The following PDSS2 variants were observed in gnomAD, a reference collection of about 807,000 sequenced individuals.
The protein encoded by PDSS2 is all trans-polyprenyl-diphosphate synthase PDSS2.
PDSS2 carries 31 observed loss-of-function variants against 44.5 expected under a neutral mutation model. The ratio of observed to expected loss-of-function variants is 0.70; its 90% CI spans 0.52 to 0.94. The LOEUF (loss-of-function observed/expected upper bound fraction) is 0.94. PDSS2 is among the 40% of genes least tolerant of loss of function. PDSS2 has a pLI of 0.00. For synonymous variants in PDSS2, 157 were observed against 180.3 expected, an observed-to-expected ratio of 0.87 and a Z score of 1.03; for missense variants, 452 against 482.2, an observed-to-expected ratio of 0.94 and a Z score of 0.59.
chr6:107,188,084 CA>C (rs1772236685), intron 7 of PDSS2, among the ~76,000 whole-genome samples: 1 of 152,044 alleles, frequency 6.6e-6, no homozygotes, highest in South Asian at 2.1e-4. Flanking sequence ...AATATATTAA[CA>C]TCAAATAAAG....
At chr6:107,376,918 C>T (rs1779302144) in intron 1 of PDSS2, among the ~76,000 whole-genome samples, 1 of 151,252 alleles carries the variant, frequency 6.6e-6, no homozygotes, top group African/African-American at 2.4e-5. Context: ...AATGTTAGAC[C>T]TAAAGCCATA....
At chr6:107,445,594 C>A (rs1026804853) in intron 1 of PDSS2, among the ~76,000 whole-genome samples, 1 of 152,132 alleles carries the variant, frequency 6.6e-6, no homozygotes, top group Non-Finnish European at 1.5e-5. Flanking sequence ...ATGTGTAAGT[C>A]TAAAAAAATT....
At chr6:107,305,699 A>C (rs1194606532) in intron 2 of PDSS2, among the ~76,000 whole-genome samples, 1 of 152,210 alleles carries the variant, frequency 6.6e-6, no homozygotes, top group African/African-American at 2.4e-5. Context: ...AGAGGTGTGG[A>C]CAGATAACTA....
At chr6:107,287,246 A>T (rs773941291) in intron 2 of PDSS2, among the ~76,000 whole-genome samples, 6 of 152,202 alleles carry the variant, frequency 3.9e-5, no homozygotes, top group Non-Finnish European at 8.8e-5. Flanking sequence ...ACTAAATTGA[A>T]TTGGAAAGCC....
chr6:107,172,091 G>A (rs1483033356), intron 7 of PDSS2, among the ~76,000 whole-genome samples: 3 of 152,124 alleles, frequency 2.0e-5, no homozygotes, highest in Non-Finnish European at 4.4e-5. Flanking sequence ...AATAAATTAA[G>A]TCCAAATCCC....
chr6:107,171,096 C>T (rs1163655832), intron 7 of PDSS2, among the ~76,000 whole-genome samples: 1 of 152,174 alleles, frequency 6.6e-6, no homozygotes, highest in Non-Finnish European at 1.5e-5. Context: ...GCCTGTAGAA[C>T]AGAGAGGGTT....
At chr6:107,299,443 G>A (rs996964866) in intron 2 of PDSS2, among the ~76,000 whole-genome samples, 22 of 152,104 alleles carry the variant, frequency 1.4e-4, no homozygotes, top group East Asian at 3.9e-4. Context: ...AGGAGACAAC[G>A]CTAGCTATTC....
chr6:107,194,494 G>A (rs958260396), intron 6 of PDSS2, among the ~76,000 whole-genome samples: 6 of 152,064 alleles, frequency 3.9e-5, no homozygotes, highest in African/African-American at 4.8e-5. Flanking sequence ...TCTTCATTGC[G>A]TCATTTAACT....
chr6:107,226,450 G>T (rs1184680494), intron 4 of PDSS2, among the ~76,000 whole-genome samples: 2 of 152,174 alleles, frequency 1.3e-5, no homozygotes, highest in Non-Finnish European at 2.9e-5. Context: ...TGACACTTGA[G>T]CTGACAAAGG....
At chr6:107,337,520 T>C (rs1348547812) in intron 1 of PDSS2, among the ~76,000 whole-genome samples, 1 of 152,172 alleles carries the variant, frequency 6.6e-6, no homozygotes, top group Non-Finnish European at 1.5e-5. Flanking sequence ...ACCTCTTGTA[T>C]AAAATGAGGG....
intron 2 of PDSS2, among the ~76,000 whole-genome samples, chr6:107,281,968 T>C (rs1271116015): frequency 6.6e-6 from 1 of 152,118 alleles, no homozygotes; most frequent in Non-Finnish European, 1.5e-5. Context: ...TGCAGTGGTG[T>C]GACCTCAGCT....
At chr6:107,385,435 C>G (rs372326413) in intron 1 of PDSS2, among the ~76,000 whole-genome samples, 1 of 152,052 alleles carries the variant, frequency 6.6e-6, no homozygotes, top group Admixed American at 6.5e-5. Flanking sequence ...GAATGAGGTA[C>G]GCTGGTTAAT....
At chr6:107,445,290 T>C (rs555769580) in intron 1 of PDSS2, among the ~76,000 whole-genome samples, 1 of 152,200 alleles carries the variant, frequency 6.6e-6, no homozygotes, top group South Asian at 2.1e-4. Flanking sequence ...GGACAGTTGA[T>C]GCATGTTGTT....
chr6:107,264,214 T>C (rs777536944), intron 3 of PDSS2: 74 of 1,159,462 alleles, frequency 6.4e-5, no homozygotes, highest in Non-Finnish European at 7.9e-5. Flanking sequence ...TTAAACTATA[T>C]AGATGGTGTA....
At chr6:107,322,482 G>A (rs926904623) in intron 2 of PDSS2, among the ~76,000 whole-genome samples, 1 of 152,056 alleles carries the variant, frequency 6.6e-6, no homozygotes, top group Non-Finnish European at 1.5e-5. Context: ...TCGGGCCACT[G>A]TACTCCAGCC....
chr6:107,351,531 C>T (rs1778434619), intron 1 of PDSS2, among the ~76,000 whole-genome samples: 1 of 152,100 alleles, frequency 6.6e-6, no homozygotes, highest in Non-Finnish European at 1.5e-5. Flanking sequence ...ATATTCTTTA[C>T]TTAAATCAAT....
At chr6:107,412,231 CTCTT>C (rs1235417874) in intron 1 of PDSS2, among the ~76,000 whole-genome samples, 2 of 120,534 alleles carry the variant, frequency 1.7e-5, no homozygotes, top group Admixed American at 9.0e-5. Context: ...ATGTCCTTTG[CTCTT>C]TTTTTTTTTT....
chr6:107,161,996 T>A (rs1771150832), intron 7 of PDSS2, among the ~76,000 whole-genome samples: 1 of 152,180 alleles, frequency 6.6e-6, no homozygotes, highest in Non-Finnish European at 1.5e-5. Context: ...ATACTCCCAT[T>A]ATGGCTGATT....
chr6:107,350,586 A>C (rs1374827968), intron 1 of PDSS2, among the ~76,000 whole-genome samples: 1 of 152,224 alleles, frequency 6.6e-6, no homozygotes, highest in Non-Finnish European at 1.5e-5. Flanking sequence ...CTGAGGGAGA[A>C]GGCCAGGATT....
Sources: gnomAD v4.1 joint callset for allele counts (sites outside exome capture counted in the v4.1 genomes callset) on GRCh38, gnomAD v4.1.1 for gene constraint, MANE v1.5 for transcripts, NCBI Gene and HGNC (gene_info 2026-07-23, HGNC 2026-07-21) for gene names.